RAPGEF5: variants seen among roughly 807,000 people sequenced by gnomAD.
RAPGEF5 encodes M-Ras-regulated GEF.
RAPGEF5 carries 65 observed loss-of-function variants against 125.2 expected under a neutral mutation model. That is an observed-to-expected ratio of 0.52 (90% CI 0.43 to 0.64). RAPGEF5 has a LOEUF of 0.64. Among genes scored for constraint, RAPGEF5 ranks in the 30% least tolerant of loss-of-function variants. The pLI is 0.00. For synonymous variants in RAPGEF5, 391 were observed against 385.9 expected (o/e 1.01, Z -0.16); for missense variants, 958 against 1,048.1 (o/e 0.91, Z 1.19).
intron 1 of RAPGEF5, among the ~76,000 whole-genome samples, chr7:22,332,778 T>C (rs139837467): frequency 2.6e-5 from 4 of 152,344 alleles, no homozygotes; most frequent in African/African-American, 9.6e-5. Context: ...ACAGTCCTAT[T>C]AACCAACAGG....
intron 24 of RAPGEF5, 117 bp downstream of exon 24, chr7:22,130,920 G>A (rs1782896301): frequency 7.2e-7 from 1 of 1,382,250 alleles, no homozygotes; most frequent in African/African-American, 1.5e-5. Flanking sequence ...TAAGCTCCTT[G>A]AATTCGCCAT....
chr7:22,269,238 A>G (rs944877449), intron 6 of RAPGEF5, among the ~76,000 whole-genome samples: 1 of 152,024 alleles, frequency 6.6e-6, no homozygotes, highest in African/African-American at 2.4e-5. Context: ...ACAAGACGCA[A>G]AGGGGAAAGT....
intron 15 of RAPGEF5, 115 bp from the exon 16 acceptor site, chr7:22,157,003 C>T (rs1783831540): frequency 6.9e-7 from 1 of 1,458,798 alleles, no homozygotes; most frequent in South Asian, 1.4e-5. Flanking sequence ...AATATGAAAT[C>T]CACCCATCCA....
chr7:22,266,922 A>G, intron 7 of RAPGEF5, 42 bp downstream of exon 7: 1 of 1,561,910 alleles, frequency 6.4e-7, no homozygotes, highest in Non-Finnish European at 8.8e-7. Flanking sequence ...AATACCCCCA[A>G]AGAATTAGAA....
rs556157372 is a variant in RAPGEF5, at chr7:22,278,206, C to G, written c.748-11194G>C. On this transcript the variant is annotated intron_variant, in intron 6 of 25. Transcript: ENST00000665637. ...TCAAATTAACTCATTTATTTGCCTCCATTTTCACCCCTTGAGATGTCTCTC... is the reference window on the plus strand; with the variant it reads ...TCAAATTAACTCATTTATTTGCCTCGATTTTCACCCCTTGAGATGTCTCTC... 4.6e-5 allele frequency among the ~76,000 whole-genome samples: 7 copies of G among 152,276 alleles called. No individual in the cohort carries two copies. In the South Asian group the frequency reaches 1.5e-3, roughly 32 times the overall value.
chr7:22,237,146 C>T (rs1042224871), intron 7 of RAPGEF5, among the ~76,000 whole-genome samples: 3 of 152,228 alleles, frequency 2.0e-5, no homozygotes, highest in Non-Finnish European at 4.4e-5. Context: ...AGTCCTCATT[C>T]TCTGCATCTA....
At chr7:22,142,405 G>A (rs1275763599) in intron 20 of RAPGEF5, among the ~76,000 whole-genome samples, 1 of 152,086 alleles carries the variant, frequency 6.6e-6, no homozygotes, top group Admixed American at 6.5e-5. Flanking sequence ...ACGTTTTATT[G>A]AGCTTAATTT....
At position 22,143,027 on chromosome 7, in the gene RAPGEF5, G is replaced by A. The variant is rs374109690; in HGVS notation, c.2186+2017C>T. On this transcript the variant is annotated intron_variant, in intron 20 of 25. Coordinates refer to ENST00000665637, the MANE Select transcript of RAPGEF5 (RefSeq NM_012294.5). ...ATGTGAATATATTTCATTTCCCTGA[G>A]GATAGATATAATCTTATAGTGGGAA... Among the ~76,000 whole-genome samples, 12 of 152,242 alleles carry A rather than the reference G, an allele frequency of 7.9e-5. 1 individual carries two copies. The highest frequency in any genetic ancestry group is 3.4e-3 in the Middle Eastern group (1 of 294).
chr7:22,305,037 C>T (rs939307946), intron 5 of RAPGEF5, among the ~76,000 whole-genome samples: 1 of 152,110 alleles, frequency 6.6e-6, no homozygotes, highest in African/African-American at 2.4e-5. Flanking sequence ...CTAGAATGAT[C>T]CCCATAACTT....
intron 1 of RAPGEF5, among the ~76,000 whole-genome samples, chr7:22,323,252 G>A (rs985007830): frequency 6.6e-6 from 1 of 152,158 alleles, no homozygotes; most frequent in Non-Finnish European, 1.5e-5. Context: ...ATTGTTAAAG[G>A]GCACTATTCT....
chr7:22,258,841 C>T (rs1193413887), intron 7 of RAPGEF5, among the ~76,000 whole-genome samples: 1 of 151,954 alleles, frequency 6.6e-6, no homozygotes, highest in Non-Finnish European at 1.5e-5. Context: ...TAGACACAGA[C>T]ATTACACCCT....
chr7:22,323,907 G>A (rs965048650), intron 1 of RAPGEF5, among the ~76,000 whole-genome samples: 2 of 152,118 alleles, frequency 1.3e-5, no homozygotes, highest in Non-Finnish European at 2.9e-5. Context: ...GTAAAAAGAA[G>A]AAAACAGAAA....
intron 8 of RAPGEF5, among the ~76,000 whole-genome samples, chr7:22,226,419 A>G (rs1785920459): frequency 6.6e-6 from 1 of 152,212 alleles, no homozygotes; most frequent in East Asian, 1.9e-4. Flanking sequence ...AACAGAAAAT[A>G]TTAAGAATTT....
chr7:22,224,528 C>A (rs1785869438), intron 8 of RAPGEF5, among the ~76,000 whole-genome samples: 1 of 152,082 alleles, frequency 6.6e-6, no homozygotes, highest in African/African-American at 2.4e-5. Context: ...AATGACCCTC[C>A]AAAATGCCAA....
chr7:22,221,952 AAAAC>A (rs1323158784), intron 8 of RAPGEF5, among the ~76,000 whole-genome samples: 1 of 152,190 alleles, frequency 6.6e-6, no homozygotes, highest in African/African-American at 2.4e-5. Flanking sequence ...AACATAAAAA[AAAAC>A]AAAGTTCTGG....
intron 20 of RAPGEF5, among the ~76,000 whole-genome samples, chr7:22,144,716 CA>C (rs1783374450): frequency 6.6e-6 from 1 of 152,158 alleles, no homozygotes; most frequent in Admixed American, 6.5e-5. Flanking sequence ...TGCACATCAT[CA>C]TCCCCTTTTT....
intron 9 of RAPGEF5, among the ~76,000 whole-genome samples, chr7:22,209,812 A>T (rs988746774): frequency 6.6e-6 from 1 of 152,188 alleles, no homozygotes; most frequent in Non-Finnish European, 1.5e-5. Context: ...AAAGAGATAA[A>T]AGCACAAAGC....
intron 9 of RAPGEF5, among the ~76,000 whole-genome samples, chr7:22,206,360 T>TGCATAA (rs1562761188): frequency 6.6e-6 from 1 of 152,206 alleles, no homozygotes; most frequent in Non-Finnish European, 1.5e-5. Flanking sequence ...CATGTGATAG[T>TGCATAA]TGATCAAGAA....
At chr7:22,274,206 C>CATGA (rs967256388) in intron 6 of RAPGEF5, among the ~76,000 whole-genome samples, 2 of 152,184 alleles carry the variant, frequency 1.3e-5, no homozygotes, top group Non-Finnish European at 2.9e-5. Flanking sequence ...CATTCACTCA[C>CATGA]ATGACTTCAA....
Sources: allele counts gnomAD v4.1 joint callset (sites outside exome capture counted in the v4.1 genomes callset), GRCh38; gene constraint gnomAD v4.1.1; transcripts MANE v1.5; gene names NCBI Gene and HGNC (gene_info 2026-07-23, HGNC 2026-07-21).